NFKB2: variants seen among roughly 807,000 people sequenced by gnomAD.
The protein encoded by NFKB2 is nuclear factor NF-kappa-B p100 subunit.
In NFKB2, 21 loss-of-function variants were observed where a neutral mutation model predicts 109.3. That is an observed-to-expected ratio of 0.19 (90% CI 0.14 to 0.28). The LOEUF (loss-of-function observed/expected upper bound fraction) is 0.28, where lower values mean the gene tolerates loss of function less well. NFKB2 is among the 10% of genes least tolerant of loss of function. The pLI is 1.00. For missense variants in NFKB2, 806 were observed against 1,185.3 expected (o/e 0.68, Z 4.70); for synonymous variants, 478 against 489.9 (o/e 0.98, Z 0.32).
chr10:102,401,612 T>G lies in NFKB2; in HGVS notation c.2293+94T>G. The G allele has an allele frequency of 6.5e-7, 1 of 1,532,090 alleles. No individual in the cohort carries two copies. The highest frequency in any genetic ancestry group is 8.9e-7 in the Non-Finnish European group (1 of 1,120,960). The allele number at this position is 1,532,090 out of a possible 1,614,324, so 94.9% of individuals were successfully genotyped here. A position where few individuals can be genotyped will look rare whatever the true frequency, so the allele number is the denominator to read the frequency against. The stretch of plus-strand genomic sequence containing the variant: ...CCTCTGAAGGAGGCCTCCCTTTCTC[T>G]ACCCTCAGCCCCGTCCATCACCCCT... On this transcript the variant is annotated intron_variant, in intron 20 of 22. Coordinates refer to ENST00000661543, the MANE Select transcript of NFKB2 (RefSeq NM_001322934.2). This position sits in a 1 kb window ranked among gnomAD's most constrained non-coding sequence, Gnocchi z 4.2.
At chr10:102,399,038 C>A in intron 12 of NFKB2, 174 bp downstream of exon 12, 1 of 774,032 alleles carries the variant, frequency 1.3e-6, no homozygotes, top group South Asian at 1.8e-5. Flanking sequence ...CAGCGTGAAA[C>A]CTCGTCTCTA....
At position 102,402,122 on chromosome 10, in the gene NFKB2, G is replaced by C. The variant is rs1183211187; in HGVS notation, c.2541G>C (p.Leu847=). 8 of 1,579,044 alleles carry C rather than the reference G, an allele frequency of 5.1e-6. No individual in the cohort carries two copies. Among genetic ancestry groups the C allele is most frequent in the African/African-American group, 1.3e-5 (1 of 74,242 alleles). The part of the protein sequence containing the change: ...DMGLEEGVRL[L]RGPETRDKLP... The stretch of plus-strand genomic sequence containing the variant: ...GCCTAGAGGAGGGAGTGAGGCTGCT[G>C]AGGGGTCCAGAAACCCGAGACAAGC... The change falls in exon 22 of 23, where the codon CTG becomes CTC. Residue 847 remains leucine, a synonymous_variant. Coordinates refer to ENST00000661543, the MANE Select transcript of NFKB2 (RefSeq NM_001322934.2).
chr10:102,396,704 A>T lies in NFKB2; in HGVS notation c.145-21A>T. 6.2e-7 allele frequency: 1 copy of T among 1,606,040 alleles called. No homozygotes were observed. The highest frequency in any genetic ancestry group is 8.5e-7 in the Non-Finnish European group (1 of 1,173,194). On this transcript the variant is annotated intron_variant, in intron 4 of 22. Transcript: ENST00000661543. The surrounding 1 kb of genome is among the most constrained non-coding windows in gnomAD (Gnocchi z 5.9). ...GGTGGTCTTCCCTGATCACAATGCT[A>T]CTATGCCCTTGGACCTTCAGAGAGG...
At position 102,401,804 on chromosome 10, in the gene NFKB2, C is replaced by G. The variant is rs1404051917; in HGVS notation, c.2353C>G (p.Pro785Ala). ...GAACCTGGAGCAGCTGCTAGACGGG[C>G]CAGAAGCCCAGGGCAGCTGGGCAGA... is the stretch of plus-strand genomic sequence containing the variant. ...LQNLEQLLDG[P>A]EAQGSWAELA... Residue 785 changes from proline (P) to alanine (A), a missense_variant, in exon 21 of 23, where the codon CCA becomes GCA. Around this residue, in one of 10 missense-constraint regions of NFKB2, gnomAD observed 211 missense variants for 268.7 expected, o/e 0.79. Transcript: ENST00000661543. The surrounding 1 kb of genome is among the most constrained non-coding windows in gnomAD (Gnocchi z 4.2). The G allele has an allele frequency of 2.5e-6, 4 of 1,613,854 alleles. No homozygotes were observed. Among genetic ancestry groups the G allele is most frequent in the Non-Finnish European group, 3.4e-6 (4 of 1,179,926 alleles).
At position 102,400,248 on chromosome 10, in the gene NFKB2, G is replaced by T. The variant is rs749788345; in HGVS notation, c.1585-30G>T. ...AGGGGTTGGAAGGCAAGTGGGTCTC[G>T]GGCCTGGCTCACCCTGCTTTCATCC... On this transcript the variant is annotated intron_variant, in intron 15 of 22. Coordinates refer to ENST00000661543, the MANE Select transcript of NFKB2 (RefSeq NM_001322934.2). This position sits in a 1 kb window ranked among gnomAD's most constrained non-coding sequence, Gnocchi z 6.3. 1 of 1,613,858 alleles carries T rather than the reference G, an allele frequency of 6.2e-7. No individual in the cohort carries two copies. Among genetic ancestry groups the T allele is most frequent in the Admixed American group, 1.7e-5 (1 of 60,012 alleles).
At chr10:102,399,524 G>T (rs1275717699) in intron 13 of NFKB2, 27 bp downstream of exon 13, 2 of 1,501,926 alleles carry the variant, frequency 1.3e-6, no homozygotes, top group African/African-American at 1.4e-5. Flanking sequence ...ACGGGCGGTC[G>T]GGGCGCCGGG....
In NFKB2 at chr10:102,397,369, C is replaced by A. The variant is rs746443560; in HGVS notation, c.463C>A (p.Gln155Lys). 1 of 1,609,302 alleles carries A rather than the reference C, an allele frequency of 6.2e-7. No individual in the cohort carries two copies. The highest frequency in any genetic ancestry group is 1.7e-5 in the Admixed American group (1 of 58,560). The change falls in exon 7 of 23, where the codon CAG becomes AAG. Residue 155 changes from glutamine to lysine, a missense_variant. Gln to Lys is a moderately conservative substitution (Grantham distance 53). Coordinates refer to ENST00000661543, the MANE Select transcript of NFKB2 (RefSeq NM_001322934.2). This position sits in a 1 kb window ranked among gnomAD's most constrained non-coding sequence, Gnocchi z 4.7. ...NMMGTMIQKL[Q>K]RQRLRSRPQG... is the part of the protein sequence containing the mutation. ...GATGGGGACTATGATACAAAAACTT[C>A]AGAGGCAGCGGCTCCGCTCTAGGCC...
Position 102,400,481 on chromosome 10 carries a change from T to C in NFKB2, c.1788T>C (p.Pro596=). The C allele has an allele frequency of 6.2e-7, 1 of 1,605,244 alleles. No individual in the cohort carries two copies. The highest frequency in any genetic ancestry group is 2.3e-5 in the East Asian group (1 of 44,358). ...APAVPQLLHM[P]DFEGLYPVHL... The stretch of plus-strand genomic sequence containing the variant: ...CTGTGCCCCAGCTGTTGCATATGCC[T>C]GACTTTGAGGGTGAGCTCCCCATCT... The change falls in exon 16 of 23, where the codon CCT becomes CCC. Residue 596 remains proline, a synonymous_variant. Transcript: ENST00000661543. The surrounding 1 kb of genome is among the most constrained non-coding windows in gnomAD (Gnocchi z 6.3).
In NFKB2 at chr10:102,397,404, T is replaced by TA. The variant is rs746576466; in HGVS notation, c.499dup (p.Thr167AsnfsTer33). 1 of 1,557,792 alleles carries TA rather than the reference T, an allele frequency of 6.4e-7. No homozygotes were observed. Among genetic ancestry groups the TA allele is most frequent in the East Asian group, 2.3e-5 (1 of 42,740 alleles). On this transcript the variant is annotated frameshift_variant, in exon 7 of 23. Transcript: ENST00000661543. LOFTEE classifies it high-confidence loss of function. The surrounding 1 kb of genome is among the most constrained non-coding windows in gnomAD (Gnocchi z 4.7). ...GGCTCCGCTCTAGGCCCCAGGGCCT[T>TA]ACGGGTATGGGTGCAGGGGGTGGGT... is the stretch of plus-strand genomic sequence containing the variant.
At position 102,397,743 on chromosome 10, in the gene NFKB2, G is replaced by A; in HGVS notation, c.661+58G>A. On this transcript the variant is annotated intron_variant, in intron 8 of 22. Transcript: ENST00000661543. The surrounding 1 kb of genome is among the most constrained non-coding windows in gnomAD (Gnocchi z 4.7). ...TGGTGGCAGAGGTGGCATGAGGGGT[G>A]ACCTCAAGCTGTGCAGTCAAACAGA... 1 of 1,562,140 alleles carries A rather than the reference G, an allele frequency of 6.4e-7. No homozygotes were observed. The highest frequency in any genetic ancestry group is 8.7e-7 in the Non-Finnish European group (1 of 1,145,826).
rs571236055 is a variant in NFKB2, at chr10:102,400,469, G to A, written c.1776G>A (p.Leu592=). The change falls in exon 16 of 23, where the codon CTG becomes CTA. Residue 592 remains leucine (L), a synonymous_variant. Coordinates refer to ENST00000661543, the MANE Select transcript of NFKB2 (RefSeq NM_001322934.2). The surrounding 1 kb of genome is among the most constrained non-coding windows in gnomAD (Gnocchi z 6.3). ...LQSGAPAVPQ[L]LHMPDFEGLY... is the part of the protein sequence containing the mutation. ...GTGGAGCTCCTGCTGTGCCCCAGCT[G>A]TTGCATATGCCTGACTTTGAGGGTG... is the stretch of plus-strand genomic sequence containing the variant. 24 of 1,609,422 alleles carry A rather than the reference G, an allele frequency of 1.5e-5. No individual in the cohort carries two copies. The highest frequency in any genetic ancestry group is 6.7e-5 in the Admixed American group (4 of 59,316).
At position 102,401,933 on chromosome 10, in the gene NFKB2, C is replaced by A. The variant is rs1219029718; in HGVS notation, c.2466+16C>A. 1 of 1,604,218 alleles carries A rather than the reference C, an allele frequency of 6.2e-7. No individual in the cohort carries two copies. Among genetic ancestry groups the A allele is most frequent in the Admixed American group, 1.7e-5 (1 of 59,232 alleles). On this transcript the variant is annotated intron_variant, in intron 21 of 22. Coordinates refer to ENST00000661543, the MANE Select transcript of NFKB2 (RefSeq NM_001322934.2). This position sits in a 1 kb window ranked among gnomAD's most constrained non-coding sequence, Gnocchi z 4.2. ...CAGCTACGAGGTGGGTTGGCCTGTG[C>A]CCTGCCCCCTCCCCAGCCTCCTTTC... is the stretch of plus-strand genomic sequence containing the variant.
chr10:102,396,394 C>G lies in NFKB2; in HGVS notation c.104-55C>G. The G allele has an allele frequency of 4.3e-6, 7 of 1,614,108 alleles. No homozygotes were observed. In the South Asian group the frequency reaches 7.7e-5, roughly 18 times the overall value. On this transcript the variant is annotated intron_variant, in intron 3 of 22. Transcript: ENST00000661543. This position sits in a 1 kb window ranked among gnomAD's most constrained non-coding sequence, Gnocchi z 5.9. The stretch of plus-strand genomic sequence containing the variant: ...GCGGGGGAGGGAGAGCATGTGCCCT[C>G]TCTCTGGGGGAGGGGCTGGGAGATC...
Position 102,400,413 on chromosome 10 carries a change from G to T in NFKB2, c.1720G>T (p.Ala574Ser), listed in dbSNP as rs1247168878. Residue 574 changes from alanine to serine, a missense_variant, in exon 16 of 23, where the codon GCT becomes TCT. By Grantham distance (99) the Ala-to-Ser change is moderately conservative. Around this residue, in one of 10 missense-constraint regions of NFKB2, gnomAD observed 163 missense variants for 207.1 expected, o/e 0.79. Transcript: ENST00000661543. This position sits in a 1 kb window ranked among gnomAD's most constrained non-coding sequence, Gnocchi z 6.3. ...TCTGGCGCTGCGGGCAGGCGCTGGT[G>T]CTCCTGAGCTGCTGCGTGCACTGCT... Reference protein sequence around the residue: ...MHLALRAGAGAPELLRALLQS... With the variant: ...MHLALRAGAGSPELLRALLQS... 6.2e-7 allele frequency: 1 copy of T among 1,613,030 alleles called. No individual in the cohort carries two copies. Among genetic ancestry groups the T allele is most frequent in the Admixed American group, 1.7e-5 (1 of 60,022 alleles).
chr10:102,401,411 G>C lies in NFKB2; in HGVS notation c.2224-38G>C, dbSNP rs72845693. On this transcript the variant is annotated intron_variant, in intron 19 of 22. Transcript: ENST00000661543. This position sits in a 1 kb window ranked among gnomAD's most constrained non-coding sequence, Gnocchi z 4.2. ...GACTTAAAGACACAGGCTTAAGGAC[G>C]AGGTGGGAGGTAGTCAGAACTGCGG... 9.3e-6 allele frequency: 15 copies of C among 1,613,632 alleles called. No individual in the cohort carries two copies. The highest frequency in any genetic ancestry group is 1.0e-5 in the Non-Finnish European group (12 of 1,179,908).
In NFKB2 at chr10:102,399,474, A is replaced by G; in HGVS notation, c.1304A>G (p.Gln435Arg). 6.7e-7 allele frequency: 1 copy of G among 1,495,348 alleles called. No homozygotes were observed. Among genetic ancestry groups the G allele is most frequent in the Non-Finnish European group, 8.9e-7 (1 of 1,120,642 alleles). The allele number at this position is 1,495,348 out of a possible 1,614,324, so 92.6% of individuals were successfully genotyped here. ...APSRTPQCEPQAPEMLQRARE... is the reference protein window; with the variant it reads ...APSRTPQCEPRAPEMLQRARE... Reference sequence around the variant, plus strand: ...TCCAGGACCCCCCAGTGCGAGCCGCAGGCCCCGGAGATGCTGCAGCGAGGT... The same window carrying G: ...TCCAGGACCCCCCAGTGCGAGCCGCGGGCCCCGGAGATGCTGCAGCGAGGT... The change falls in exon 13 of 23, where the codon CAG becomes CGG. Residue 435 changes from glutamine (Q) to arginine (R), a missense_variant. Transcript: ENST00000661543.
In NFKB2 at chr10:102,397,834, C is replaced by CA; in HGVS notation, c.662-147_662-146insA. On this transcript the variant is annotated intron_variant, in intron 8 of 22. Coordinates refer to ENST00000661543, the MANE Select transcript of NFKB2 (RefSeq NM_001322934.2). The surrounding 1 kb of genome is among the most constrained non-coding windows in gnomAD (Gnocchi z 4.7). ...TGATCCTGAGCAAGTCATTTCCCCC[C>CA]CGAAGCTTCTGTCTTTAGTAAATGT... 7.9e-7 allele frequency: 1 copy of CA among 1,272,642 alleles called. No individual in the cohort carries two copies. Among genetic ancestry groups the CA allele is most frequent in the East Asian group, 2.3e-5 (1 of 42,856 alleles). 78.8% of individuals were successfully genotyped at this position (1,272,642 alleles called of 1,614,324 possible).
In NFKB2 at chr10:102,401,402, C is replaced by CT; in HGVS notation, c.2224-45dup. 1 of 1,613,516 alleles carries CT rather than the reference C, an allele frequency of 6.2e-7. No individual in the cohort carries two copies. The highest frequency in any genetic ancestry group is 8.5e-7 in the Non-Finnish European group (1 of 1,179,780). The stretch of plus-strand genomic sequence containing the variant: ...GAGTATCTGGACTTAAAGACACAGG[C>CT]TTAAGGACGAGGTGGGAGGTAGTCA... On this transcript the variant is annotated intron_variant, in intron 19 of 22. Transcript: ENST00000661543. This position sits in a 1 kb window ranked among gnomAD's most constrained non-coding sequence, Gnocchi z 4.2.
Position 102,399,420 on chromosome 10 carries a change from G to A in NFKB2, c.1250G>A (p.Gly417Glu). 1.3e-6 allele frequency: 2 copies of A among 1,527,554 alleles called. No homozygotes were observed. Among genetic ancestry groups the A allele is most frequent in the Non-Finnish European group, 1.8e-6 (2 of 1,135,320 alleles). 94.6% of individuals were successfully genotyped at this position (1,527,554 alleles called of 1,614,324 possible). Residue 417 changes from glycine (G) to glutamate (E), a missense_variant, in exon 13 of 23, where the codon GGG becomes GAG. Around this residue, in one of 10 missense-constraint regions of NFKB2, gnomAD observed 209 missense variants for 211.9 expected, o/e 0.99. Coordinates refer to ENST00000661543, the MANE Select transcript of NFKB2 (RefSeq NM_001322934.2). ...GCCACGGTGCCCAGCAGGGACTCCG[G>A]GGAGGAAGCCGCGGAGCCAAGCGCC... is the stretch of plus-strand genomic sequence containing the variant. Reference protein sequence around the residue: ...MAATVPSRDSGEEAAEPSAPS... With the variant: ...MAATVPSRDSEEEAAEPSAPS...
Sources: gnomAD v4.1 joint callset for allele counts on GRCh38, gnomAD v4.1.1 for gene constraint, gnomAD v4.1.1 regional missense constraint, Gnocchi (gnomAD v3.1) non-coding constraint, MANE v1.5 for transcripts, NCBI Gene and HGNC (gene_info 2026-07-23, HGNC 2026-07-21) for gene names.